The following BNC2 variants were observed in gnomAD, a reference collection of about 807,000 sequenced individuals.
BNC2 encodes the protein basonuclin zinc finger protein 2, also known as zinc finger protein basonuclin-2.
In BNC2, 20 loss-of-function variants were observed where a neutral mutation model predicts 76.3. The ratio of observed to expected loss-of-function variants is 0.26; its 90% confidence interval spans 0.18 to 0.38. The LOEUF (loss-of-function observed/expected upper bound fraction) is 0.38. Among genes scored for constraint, BNC2 ranks in the 10% least tolerant of loss-of-function variants. The pLI is 1.00. For missense variants in BNC2, 1,382 were observed against 1,399.8 expected (o/e 0.99, Z 0.20); for synonymous variants, 582 against 514.8 (o/e 1.13, Z -1.77).
chr9:16,435,898 G>A lies in BNC2; in HGVS notation c.2296C>T (p.Pro766Ser), dbSNP rs777830057. The change falls in exon 6 of 7, where the codon CCC becomes TCC. Residue 766 changes from proline to serine, a missense_variant. Transcript: ENST00000380672. Reference sequence around the variant, plus strand: ...ACCTTGATGACGTCCTGGTGAGAGGGCTCACTGTGGTTCTCATCAGGCCTC... The same window carrying A: ...ACCTTGATGACGTCCTGGTGAGAGGACTCACTGTGGTTCTCATCAGGCCTC... ...SERPDENHSEPSHQDVIKVKE... is the reference protein window; with the variant it reads ...SERPDENHSESSHQDVIKVKE... 6.2e-7 allele frequency: 1 copy of A among 1,613,810 alleles called. No homozygotes were observed. The highest frequency in any genetic ancestry group is 1.7e-5 in the Admixed American group (1 of 60,000).
At chr9:16,534,677 G>A (rs1818076569) in intron 5 of BNC2, among the ~76,000 whole-genome samples, 1 of 152,084 alleles carries the variant, frequency 6.6e-6, no homozygotes, top group South Asian at 2.1e-4. Context: ...AAGAAGTACA[G>A]AGAAACCATG....
intron 1 of BNC2, among the ~76,000 whole-genome samples, chr9:16,869,639 C>T (rs146483107): frequency 1.3e-5 from 2 of 152,278 alleles, no homozygotes; most frequent in East Asian, 1.9e-4. Context: ...TGGGAGGAAG[C>T]AAACTAAAAA....
intron 5 of BNC2, among the ~76,000 whole-genome samples, chr9:16,530,032 G>A (rs1817928512): frequency 6.6e-6 from 1 of 152,048 alleles, no homozygotes; most frequent in Non-Finnish European, 1.5e-5. Flanking sequence ...ATTTTTAGTA[G>A]AGATGGGGTT....
chr9:16,807,159 G>A (rs1301159999), intron 1 of BNC2, among the ~76,000 whole-genome samples: 3 of 152,050 alleles, frequency 2.0e-5, no homozygotes, highest in Non-Finnish European at 4.4e-5. Context: ...TATCCTTCTT[G>A]TTTGAAACCA....
chr9:16,815,305 C>T (rs1047497244), intron 1 of BNC2, among the ~76,000 whole-genome samples: 2 of 152,110 alleles, frequency 1.3e-5, no homozygotes, highest in African/African-American at 2.4e-5. Context: ...AAAACTCAAA[C>T]GCTGTGCAAA....
At chr9:16,830,051 C>A (rs1818546552) in intron 1 of BNC2, among the ~76,000 whole-genome samples, 1 of 152,146 alleles carries the variant, frequency 6.6e-6, no homozygotes, top group Admixed American at 6.5e-5. Context: ...ATGCTTATAT[C>A]TGTGAAAAGC....
intron 3 of BNC2, among the ~76,000 whole-genome samples, chr9:16,632,071 T>C (rs998370222): frequency 1.3e-5 from 2 of 152,108 alleles, no homozygotes; most frequent in Admixed American, 6.5e-5. Context: ...GTCTTGTTTG[T>C]CCCTTTTAAG....
intron 1 of BNC2, among the ~76,000 whole-genome samples, chr9:16,791,148 G>A (rs1417480058): frequency 7.3e-5 from 11 of 151,624 alleles, no homozygotes; most frequent in Non-Finnish European, 1.3e-4. Flanking sequence ...TGTAAGCTCC[G>A]CCTCCCGGGT....
At chr9:16,665,370 CA>C (rs1195291523) in intron 3 of BNC2, among the ~76,000 whole-genome samples, 78 of 3,036 alleles carry the variant, frequency 0.026, no homozygotes, top group African/African-American at 0.054. Flanking sequence ...ACCTCTGTCT[CA>C]AAAAAAAAAA....
chr9:16,600,360 T>C (rs1012254691), intron 3 of BNC2, among the ~76,000 whole-genome samples: 1 of 152,238 alleles, frequency 6.6e-6, no homozygotes, highest in African/African-American at 2.4e-5. Context: ...ATTATTTTAA[T>C]TGTCAAATAT....
intron 4 of BNC2, among the ~76,000 whole-genome samples, chr9:16,560,824 T>C (rs79307802): frequency 0.028 from 4,190 of 152,342 alleles, 136 homozygotes; most frequent in South Asian, 0.18. Flanking sequence ...AGTTGTCACA[T>C]GGGAGACATG....
chr9:16,621,056 C>T (rs1820853784), intron 3 of BNC2, among the ~76,000 whole-genome samples: 1 of 152,184 alleles, frequency 6.6e-6, no homozygotes, highest in Non-Finnish European at 1.5e-5. Flanking sequence ...CAAATTGAGC[C>T]TGGTGACAGC....
At chr9:16,807,776 A>G (rs559132561) in intron 1 of BNC2, among the ~76,000 whole-genome samples, 1 of 152,332 alleles carries the variant, frequency 6.6e-6, no homozygotes, top group African/African-American at 2.4e-5. Context: ...CCAGTTAGAA[A>G]GTGATTTCTG....
intron 4 of BNC2, among the ~76,000 whole-genome samples, chr9:16,569,362 G>A (rs1025270111): frequency 1.3e-5 from 2 of 151,892 alleles, no homozygotes; most frequent in African/African-American, 4.8e-5. Flanking sequence ...ACTGTCCTAC[G>A]GATTTTAATC....
At chr9:16,541,912 T>C (rs1818333635) in intron 5 of BNC2, among the ~76,000 whole-genome samples, 2 of 152,114 alleles carry the variant, frequency 1.3e-5, no homozygotes, top group South Asian at 4.1e-4. Context: ...CACAGAGCCT[T>C]CCTTCAAAAT....
chr9:16,766,186 G>A (rs1346423197), intron 1 of BNC2, among the ~76,000 whole-genome samples: 2 of 152,096 alleles, frequency 1.3e-5, no homozygotes, highest in African/African-American at 4.8e-5. Context: ...CACTTTTAGT[G>A]CTTTCTGTCT....
chr9:16,516,440 C>G (rs1817442731), intron 5 of BNC2, among the ~76,000 whole-genome samples: 1 of 151,844 alleles, frequency 6.6e-6, no homozygotes. Context: ...ATGCAGCTGT[C>G]AAGATAACTC....
At position 16,812,946 on chromosome 9, in the gene BNC2, C is replaced by A. The variant is rs557560949; in HGVS notation, c.3+57700G>T. Among the ~76,000 whole-genome samples the A allele has an allele frequency of 5.3e-5, 8 of 152,244 alleles. No homozygotes were observed. The South Asian group carries it at 6.2e-4, about 12-fold the overall frequency. On this transcript the variant is annotated intron_variant, in intron 1 of 6. Transcript: ENST00000380672. ...ATTCCTGGCCGGGCGCGGTGGCTCA[C>A]GTCTGTAATCCCAGCACTTTAGGAG... is the stretch of plus-strand genomic sequence containing the variant.
chr9:16,571,236 T>C (rs1563844541), intron 4 of BNC2, among the ~76,000 whole-genome samples: 1 of 152,152 alleles, frequency 6.6e-6, no homozygotes, highest in Non-Finnish European at 1.5e-5. Context: ...ATTAAAAGTG[T>C]GTTGATAATA....
Sources: allele counts gnomAD v4.1 joint callset (sites outside exome capture counted in the v4.1 genomes callset), GRCh38; gene constraint gnomAD v4.1.1; transcripts MANE v1.5; gene names NCBI Gene and HGNC (gene_info 2026-07-23, HGNC 2026-07-21).